TJP1: variants seen among roughly 807,000 people sequenced by gnomAD.
The protein encoded by TJP1 is tight junction protein 1, also known as tight junction protein ZO-1.
Under a neutral mutation model 194.2 loss-of-function variants are expected in TJP1, and 43 were observed. The ratio of observed to expected loss-of-function variants is 0.22; its 90% CI spans 0.17 to 0.29. The LOEUF (loss-of-function observed/expected upper bound fraction) is 0.29. TJP1 is among the 10% of genes least tolerant of loss of function. The probability of loss-of-function intolerance (pLI) is 1.00; values close to 1 mark genes in which losing one functional copy is unlikely to be tolerated. For missense variants in TJP1, 1,971 were observed against 2,185.7 expected, an observed-to-expected ratio of 0.90 and a Z score of 1.96; for synonymous variants, 801 against 779.0, an observed-to-expected ratio of 1.03 and a Z score of -0.47.
intron 10 of TJP1, among the ~76,000 whole-genome samples, chr15:29,738,356 TAACAAC>T (rs918150206): frequency 1.3e-5 from 2 of 152,144 alleles, no homozygotes; most frequent in African/African-American, 2.4e-5. Flanking sequence ...TAGATAACAA[TAACAAC>T]AACAACAACA....
intron 2 of TJP1, among the ~76,000 whole-genome samples, chr15:29,954,857 G>C (rs2055880025): frequency 6.6e-6 from 1 of 152,090 alleles, no homozygotes; most frequent in Non-Finnish European, 1.5e-5. Context: ...GAGGCGGGTG[G>C]ATCACAAGGT....
intron 2 of TJP1, among the ~76,000 whole-genome samples, chr15:29,951,788 T>C (rs1567230142): frequency 6.6e-6 from 1 of 152,122 alleles, no homozygotes; most frequent in Non-Finnish European, 1.5e-5. Flanking sequence ...TGCACAAAAC[T>C]TTTTGTAGTA....
intron 2 of TJP1, among the ~76,000 whole-genome samples, chr15:29,856,010 CA>C (rs1404158680): frequency 6.6e-6 from 1 of 152,154 alleles, no homozygotes; most frequent in Non-Finnish European, 1.5e-5. Flanking sequence ...AACTTGTATG[CA>C]AACATTCACA....
At chr15:29,887,361 C>T (rs536670750) in intron 2 of TJP1, among the ~76,000 whole-genome samples, 4 of 151,202 alleles carry the variant, frequency 2.6e-5, no homozygotes, top group South Asian at 2.1e-4. Context: ...GAGTGCAATG[C>T]GCAATCTCGG....
chr15:29,833,875 A>ATTTTTT (rs1175518448), intron 2 of TJP1, among the ~76,000 whole-genome samples: 20 of 16,556 alleles, frequency 1.2e-3, no homozygotes, highest in East Asian at 7.4e-3. Context: ...ATATATATAT[A>ATTTTTT]TATATATTTT....
chr15:29,809,857 A>AC (rs1392426408), intron 1 of TJP1, among the ~76,000 whole-genome samples: 1 of 152,074 alleles, frequency 6.6e-6, no homozygotes, highest in East Asian at 1.9e-4. Context: ...TAAAAAAAAA[A>AC]AACCAAACAC....
intron 2 of TJP1, among the ~76,000 whole-genome samples, chr15:29,897,323 C>T (rs140974559): frequency 0.013 from 1,963 of 152,254 alleles, 38 homozygotes; most frequent in African/African-American, 0.044. Context: ...AGCCTGCAGG[C>T]GCACAGAAGT....
intron 1 of TJP1, among the ~76,000 whole-genome samples, chr15:29,964,652 G>C (rs1167022549): frequency 6.6e-6 from 1 of 152,152 alleles, no homozygotes; most frequent in African/African-American, 2.4e-5. Context: ...TATGTGATCT[G>C]TTACAGCAGC....
chr15:29,735,401 C>T (rs528286497), intron 11 of TJP1, among the ~76,000 whole-genome samples: 1 of 152,006 alleles, frequency 6.6e-6, no homozygotes, highest in Admixed American at 6.5e-5. Flanking sequence ...CCAGTCTGGG[C>T]CACGTGGTGA....
intron 2 of TJP1, among the ~76,000 whole-genome samples, chr15:29,796,578 G>C (rs1017436364): frequency 1.3e-5 from 2 of 152,072 alleles, no homozygotes; most frequent in African/African-American, 4.8e-5. Context: ...TTGTTAAAAT[G>C]TTAATTATCC....
intron 8 of TJP1, among the ~76,000 whole-genome samples, chr15:29,751,208 A>G (rs948336409): frequency 5.3e-5 from 8 of 152,236 alleles, no homozygotes; most frequent in African/African-American, 1.9e-4. Context: ...AAAAGGTAAA[A>G]AAGTTGCCCA....
At chr15:29,740,731 T>C (rs773135786) in intron 10 of TJP1, among the ~76,000 whole-genome samples, 4 of 152,174 alleles carry the variant, frequency 2.6e-5, no homozygotes, top group Non-Finnish European at 5.9e-5. Flanking sequence ...AAGTATATAA[T>C]GTAAAGTAAT....
intron 8 of TJP1, among the ~76,000 whole-genome samples, chr15:29,743,454 G>GAC (rs1335648335): frequency 6.6e-6 from 1 of 152,184 alleles, no homozygotes; most frequent in African/African-American, 2.4e-5. Flanking sequence ...AGACAGGCAT[G>GAC]ATGGCTCACG....
intron 15 of TJP1, among the ~76,000 whole-genome samples, chr15:29,731,797 T>C (rs1486801403): frequency 6.6e-6 from 1 of 151,588 alleles, no homozygotes; most frequent in Non-Finnish European, 1.5e-5. Flanking sequence ...GGATACAGTT[T>C]GGCTTGGAAA....
At chr15:29,748,408 C>G (rs2044958957) in intron 8 of TJP1, among the ~76,000 whole-genome samples, 1 of 151,998 alleles carries the variant, frequency 6.6e-6, no homozygotes, top group Non-Finnish European at 1.5e-5. Flanking sequence ...ATCAACTTTT[C>G]CAAACATTAA....
intron 2 of TJP1, among the ~76,000 whole-genome samples, chr15:29,906,665 C>T (rs1178753729): frequency 2.0e-5 from 3 of 151,696 alleles, no homozygotes; most frequent in Non-Finnish European, 2.9e-5. Context: ...CTCCAACCTC[C>T]GCCTCCTGGG....
In TJP1 at chr15:29,733,103, T is replaced by A; in HGVS notation, c.1727A>T (p.Asn576Ile). Residue 576 changes from asparagine (N) to isoleucine (I), a missense_variant, in exon 13 of 28, where the codon AAT becomes ATT. Asn to Ile is a moderately radical substitution (Grantham distance 149). Around this residue, in one of 5 missense-constraint regions of TJP1, gnomAD observed 402 missense variants for 484.2 expected, o/e 0.83. Coordinates refer to ENST00000614355, the MANE Select transcript of TJP1 (RefSeq NM_001330239.4). ...HKEVERGIIP[N>I]KNRAEQLASV... is the part of the protein sequence containing the mutation. The stretch of plus-strand genomic sequence containing the variant: ...ATCCAAGCATTCATACCTGTTCTTA[T>A]TAGGGATGATGCCTCGTTCTACCTC... The A allele has an allele frequency of 6.2e-7, 1 of 1,613,516 alleles. No homozygotes were observed. Among genetic ancestry groups the A allele is most frequent in the South Asian group, 1.1e-5 (1 of 91,070 alleles).
rs1022576318 is a variant in TJP1, at chr15:29,799,396, A to G, written c.84+1250T>C. On this transcript the variant is annotated intron_variant, in intron 2 of 27. Coordinates refer to ENST00000614355, the MANE Select transcript of TJP1 (RefSeq NM_001330239.4). The stretch of plus-strand genomic sequence containing the variant: ...ATAATGAAACATTAAAAAGTTGACT[A>G]TATCTTATCAGAAAAAAAAATTTTT... 4.0e-5 allele frequency among the ~76,000 whole-genome samples: 6 copies of G among 151,820 alleles called. No individual in the cohort carries two copies. The South Asian group carries it at 1.2e-3, about 32-fold the overall frequency.
At position 29,950,171 on chromosome 15, in the gene TJP1, ACTACCT is replaced by A. The variant is rs1393766154; in HGVS notation, c.306+6055_306+6060del. 7.9e-4 allele frequency among the ~76,000 whole-genome samples: 73 copies of A among 92,942 alleles called. 1 individual carries two copies. The highest frequency in any genetic ancestry group is 2.3e-3 in the African/African-American group (57 of 24,280). 61.0% of individuals were successfully genotyped at this position (92,942 alleles called of 152,430 possible). On this transcript the variant is annotated intron_variant, in intron 2 of 28. Coordinates refer to the TJP1 transcript ENST00000356107. The stretch of plus-strand genomic sequence containing the variant: ...CACCACCTCCACCACCACCACAACC[ACTACCT>A]CCACCTCCACCACCACCACCACTTC...
Sources: allele counts gnomAD v4.1 joint callset (sites outside exome capture counted in the v4.1 genomes callset), GRCh38; gene constraint gnomAD v4.1.1; regional missense constraint gnomAD v4.1.1; transcripts MANE v1.5; gene names NCBI Gene and HGNC (gene_info 2026-07-23, HGNC 2026-07-21).